ACOT7: variants seen among roughly 807,000 people sequenced by gnomAD.
The protein encoded by ACOT7 is cytosolic acyl coenzyme A thioester hydrolase.
In ACOT7, 12 loss-of-function variants were observed where a neutral mutation model predicts 40.2. That is an observed-to-expected ratio of 0.30 (90% CI 0.19 to 0.48). ACOT7 has a LOEUF of 0.48. Ranked by LOEUF, ACOT7 falls within the 20% of genes least tolerant of loss-of-function variation. The pLI, the probability that ACOT7 is intolerant of heterozygous loss-of-function variation, is 0.99. For missense variants in ACOT7, 395 were observed against 530.8 expected (o/e 0.74, Z 2.51); for synonymous variants, 228 against 219.5 (o/e 1.04, Z -0.34).
At chr1:6,327,226 G>T in intron 5 of ACOT7, 73 bp downstream of exon 5, 2 of 1,464,364 alleles carry the variant, frequency 1.4e-6, no homozygotes, top group Non-Finnish European at 1.9e-6. Flanking sequence ...GCTCACGTAG[G>T]CCCGGCCTGC....
intron 1 of ACOT7, among the ~76,000 whole-genome samples, chr1:6,384,055 GC>G (rs1385586321): frequency 6.6e-6 from 1 of 151,776 alleles, no homozygotes; most frequent in African/African-American, 2.4e-5. Context: ...TTGCTATGTT[GC>G]CCAGGCTGAC....
chr1:6,337,575 C>A (rs539817851), intron 3 of ACOT7, among the ~76,000 whole-genome samples: 1 of 152,172 alleles, frequency 6.6e-6, no homozygotes, highest in Non-Finnish European at 1.5e-5. Flanking sequence ...AAGCTCAGTA[C>A]CCCTGACCTT....
At chr1:6,379,668 C>T (rs1642299145) in intron 1 of ACOT7, among the ~76,000 whole-genome samples, 1 of 151,612 alleles carries the variant, frequency 6.6e-6, no homozygotes, top group Admixed American at 6.6e-5. Context: ...TCCTATGTTG[C>T]TCAGGCTGGT....
intron 8 of ACOT7, 147 bp downstream of exon 8, chr1:6,280,955 C>T: frequency 8.8e-7 from 1 of 1,131,732 alleles, no homozygotes. Flanking sequence ...GGTCACCGGT[C>T]ACGGCAGTGG....
At chr1:6,319,489 A>C (rs534352475) in intron 5 of ACOT7, among the ~76,000 whole-genome samples, 1 of 152,194 alleles carries the variant, frequency 6.6e-6, no homozygotes, top group Non-Finnish European at 1.5e-5. Context: ...CACCTTGCCC[A>C]GCCCAATATA....
rs1332520640 is a variant in ACOT7 at position 6,311,516 on chromosome 1, G to A, written c.712+6976C>T. On this transcript the variant is annotated intron_variant, in intron 6 of 8. Transcript: ENST00000361521. This position sits in a 1 kb window ranked among gnomAD's most constrained non-coding sequence, Gnocchi z 5.2. Reference sequence around the variant, plus strand: ...GGCTGGAGCTGCCGCTGTCCGCAAGGTTCAATCTGCCCCTCAAGGTATCTC... The same window carrying A: ...GGCTGGAGCTGCCGCTGTCCGCAAGATTCAATCTGCCCCTCAAGGTATCTC... Among the ~76,000 whole-genome samples the A allele has an allele frequency of 6.6e-6, 1 of 152,208 alleles. No homozygotes were observed. Among genetic ancestry groups the A allele is most frequent in the Non-Finnish European group, 1.5e-5 (1 of 68,046 alleles).
At position 6,294,859 on chromosome 1, in the gene ACOT7, G is replaced by C; in HGVS notation, c.829+5C>G. On this transcript the variant is annotated splice_donor_5th_base_variant and intron_variant, in intron 7 of 8. Transcript: ENST00000361521. The surrounding 1 kb of genome is among the most constrained non-coding windows in gnomAD (Gnocchi z 4.6). ...CTCCCTCGTCTTTGCCAGAAGAGTG[G>C]TTACCTTTTCTGATCTTGTCATGAA... The C allele has an allele frequency of 6.2e-7, 1 of 1,612,778 alleles. No individual in the cohort carries two copies. Among genetic ancestry groups the C allele is most frequent in the Non-Finnish European group, 8.5e-7 (1 of 1,178,904 alleles).
intron 2 of ACOT7, 46 bp from the exon 3 acceptor site, chr1:6,339,635 C>G (rs1641206877): frequency 6.3e-7 from 1 of 1,596,328 alleles, no homozygotes; most frequent in African/African-American, 1.3e-5. Context: ...CCAGCCCAGC[C>G]CCGAGAGCCC....
intron 1 of ACOT7, among the ~76,000 whole-genome samples, chr1:6,365,136 T>C (rs906942162): frequency 2.6e-5 from 4 of 152,196 alleles, no homozygotes; most frequent in Non-Finnish European, 5.9e-5. Context: ...TGCAAGTCCA[T>C]GTTTATAAAC....
intron 8 of ACOT7, 33 bp from the exon 9 acceptor site, chr1:6,264,728 G>A (rs1638765862): frequency 2.5e-6 from 4 of 1,606,100 alleles, no homozygotes; most frequent in South Asian, 2.2e-5. Flanking sequence ...GGCAGGTTAG[G>A]GTCACTGCAG....
chr1:6,335,739 C>T (rs1406962016), intron 3 of ACOT7, among the ~76,000 whole-genome samples: 1 of 152,224 alleles, frequency 6.6e-6, no homozygotes, highest in Admixed American at 6.5e-5. Context: ...TAAGAAAAGG[C>T]CTGTGCCTGC....
chr1:6,343,070 G>A (rs1641318062), intron 2 of ACOT7, among the ~76,000 whole-genome samples: 1 of 152,198 alleles, frequency 6.6e-6, no homozygotes, highest in Non-Finnish European at 1.5e-5. Context: ...TCCCAGGGCG[G>A]GCAGGGAGCA....
Position 6,305,348 on chromosome 1 carries a change from C to T in ACOT7, c.713-10368G>A, listed in dbSNP as rs1318970555. Among the ~76,000 whole-genome samples, 5 of 148,210 alleles carry T rather than the reference C, an allele frequency of 3.4e-5. No homozygotes were observed. The East Asian group carries it at 1.0e-3, about 30-fold the overall frequency. Reference sequence around the variant, plus strand: ...CCGGGCAGAGGCGCCCCTCACCTCCCGGAAGGGGCGGCTGGCCGGGCGGGG... The same window carrying T: ...CCGGGCAGAGGCGCCCCTCACCTCCTGGAAGGGGCGGCTGGCCGGGCGGGG... On this transcript the variant is annotated intron_variant, in intron 6 of 8. Coordinates refer to ENST00000361521, the MANE Select transcript of ACOT7 (RefSeq NM_007274.4).
intron 1 of ACOT7, among the ~76,000 whole-genome samples, chr1:6,374,306 G>A (rs1411115576): frequency 1.3e-5 from 2 of 152,246 alleles, no homozygotes; most frequent in African/African-American, 2.4e-5. Context: ...GCCAGGCACT[G>A]GTTAAAGCCC....
rs117575492 is a variant in ACOT7, at chr1:6,266,820, C to G, written c.1015-2125G>C. Among the ~76,000 whole-genome samples, 1,054 of 152,374 alleles carry G rather than the reference C, an allele frequency of 6.9e-3. 14 individuals carry two copies. The highest frequency in any genetic ancestry group is 0.028 in the South Asian group (133 of 4,830). ...CTTGAAGACCCTGTAGCAGGCAGAG[C>G]AAGAGCTGTAGGGTGGGCATGGGGT... On this transcript the variant is annotated intron_variant, in intron 8 of 8. Transcript: ENST00000361521.
At chr1:6,266,978 G>A (rs918159164) in intron 8 of ACOT7, among the ~76,000 whole-genome samples, 15 of 152,232 alleles carry the variant, frequency 9.9e-5, no homozygotes, top group Non-Finnish European at 1.8e-4. Context: ...AGGCTGGATC[G>A]CACTCAGGCG....
At chr1:6,365,778 A>G (rs1260869031) in intron 1 of ACOT7, among the ~76,000 whole-genome samples, 1 of 152,108 alleles carries the variant, frequency 6.6e-6, no homozygotes, top group African/African-American at 2.4e-5. Context: ...AAAAAAAAAA[A>G]AAAAATTTAT....
intron 8 of ACOT7, among the ~76,000 whole-genome samples, chr1:6,271,853 G>A (rs970439806): frequency 1.4e-4 from 22 of 152,276 alleles, no homozygotes; most frequent in Non-Finnish European, 2.6e-4. Flanking sequence ...GAAAGGAGGC[G>A]TAAAGGCCAA....
chr1:6,375,507 T>A (rs1254946479), intron 1 of ACOT7, among the ~76,000 whole-genome samples: 1 of 151,260 alleles, frequency 6.6e-6, no homozygotes, highest in Non-Finnish European at 1.5e-5. Flanking sequence ...AAAAATTAGC[T>A]GGGTGTGGTG....
Sources: gnomAD v4.1 joint callset for allele counts (sites outside exome capture counted in the v4.1 genomes callset) on GRCh38, gnomAD v4.1.1 for gene constraint, Gnocchi (gnomAD v3.1) non-coding constraint, MANE v1.5 for transcripts, NCBI Gene and HGNC (gene_info 2026-07-23, HGNC 2026-07-21) for gene names.